Variants in STRN observed in about 807,000 individuals in gnomAD.
The protein encoded by STRN is striatin.
STRN carries 53 observed loss-of-function variants against 96.3 expected under a neutral mutation model. That is an observed-to-expected ratio of 0.55 (90% CI 0.44 to 0.69). The LOEUF is 0.69. Ranked by LOEUF, STRN falls within the 30% of genes least tolerant of loss-of-function variation. The pLI, the probability that STRN is intolerant of heterozygous loss-of-function variation, is 0.00. For missense variants in STRN, 987 were observed against 963.9 expected (o/e 1.02, Z -0.32); for synonymous variants, 428 against 355.9 (o/e 1.20, Z -2.28).
chr2:36,928,307 C>T (rs746185826), intron 1 of STRN, among the ~76,000 whole-genome samples: 2 of 149,868 alleles, frequency 1.3e-5, no homozygotes, highest in Non-Finnish European at 3.0e-5. Flanking sequence ...ACATAAAAGA[C>T]GAAAACAGCA....
intron 16 of STRN, among the ~76,000 whole-genome samples, chr2:36,850,361 T>C (rs2148123801): frequency 6.6e-6 from 1 of 152,330 alleles, no homozygotes; most frequent in East Asian, 1.9e-4. Context: ...TATAGGGTGC[T>C]TTCCTCCCAG....
chr2:36,950,208 G>GTT lies in STRN; in HGVS notation c.234+16020_234+16021dup, dbSNP rs1338547776. On this transcript the variant is annotated intron_variant, in intron 1 of 17. Transcript: ENST00000263918. ...TTGTTGTTACTGGTTGGTTGGTTTG[G>GTT]TTTTGTTTTTTTTTTTTTTTTTTTT... Among the ~76,000 whole-genome samples the GTT allele has an allele frequency of 1.4e-3, 171 of 124,020 alleles. 1 individual carries two copies. In the East Asian group the frequency reaches 0.038, roughly 28 times the overall value. The allele number at this position is 124,020 out of a possible 152,430, so 81.4% of individuals were successfully genotyped here.
At chr2:36,876,363 G>C (rs966944237) in intron 10 of STRN, among the ~76,000 whole-genome samples, 5 of 152,018 alleles carry the variant, frequency 3.3e-5, no homozygotes, top group African/African-American at 1.2e-4. Context: ...GGTTATTGTA[G>C]TAGCTCTGGC....
chr2:36,901,785 T>C (rs1350206931), intron 5 of STRN, among the ~76,000 whole-genome samples: 1 of 152,188 alleles, frequency 6.6e-6, no homozygotes, highest in East Asian at 1.9e-4. Context: ...GGAACTTTGC[T>C]TATAAAAGTC....
At chr2:36,927,030 C>T (rs567172774) in intron 1 of STRN, among the ~76,000 whole-genome samples, 1 of 152,198 alleles carries the variant, frequency 6.6e-6, no homozygotes, top group East Asian at 1.9e-4. Context: ...CTAATCAATG[C>T]AATCAAACTT....
chr2:36,857,796 T>G, intron 14 of STRN, 60 bp downstream of exon 14: 1 of 1,385,220 alleles, frequency 7.2e-7, no homozygotes, highest in African/African-American at 1.4e-5. Flanking sequence ...TCTGCTTGCT[T>G]ATTTTCAGAA....
intron 2 of STRN, 125 bp downstream of exon 2, chr2:36,924,980 C>G (rs1254262057): frequency 8.3e-6 from 6 of 719,626 alleles, no homozygotes; most frequent in Non-Finnish European, 1.2e-5. Context: ...TGCTTGAAAC[C>G]GGGAGGCGGA....
intron 1 of STRN, among the ~76,000 whole-genome samples, chr2:36,931,013 A>G (rs1434399820): frequency 6.6e-6 from 1 of 151,692 alleles, no homozygotes; most frequent in Non-Finnish European, 1.5e-5. Flanking sequence ...AGCCTGAATG[A>G]CAGAGCAAAA....
chr2:36,911,861 C>G (rs1244208404), intron 3 of STRN, among the ~76,000 whole-genome samples: 1 of 152,218 alleles, frequency 6.6e-6, no homozygotes, highest in African/African-American at 2.4e-5. Context: ...CACACCTCAA[C>G]TGGACCCTTA....
intron 7 of STRN, among the ~76,000 whole-genome samples, chr2:36,890,477 CTT>C (rs1163881782): frequency 2.0e-4 from 21 of 104,612 alleles, no homozygotes; most frequent in African/African-American, 4.8e-4. Context: ...CACCAGAAAA[CTT>C]TTTTTTTTTT....
intron 17 of STRN, 44 bp from the exon 18 acceptor site, chr2:36,849,669 G>GA: frequency 6.2e-7 from 1 of 1,612,468 alleles, no homozygotes; most frequent in Non-Finnish European, 8.5e-7. Flanking sequence ...ACATTAACAT[G>GA]AAAATGGTAA....
intron 7 of STRN, among the ~76,000 whole-genome samples, chr2:36,887,436 CT>C (rs1297654190): frequency 9.2e-5 from 14 of 151,810 alleles, no homozygotes; most frequent in Non-Finnish European, 1.8e-4. Flanking sequence ...TGCCATTGCA[CT>C]CCCGCCTGGG....
chr2:36,959,383 A>T (rs1011589187), intron 1 of STRN, among the ~76,000 whole-genome samples: 20 of 152,342 alleles, frequency 1.3e-4, no homozygotes, highest in African/African-American at 4.3e-4. Flanking sequence ...AGCAGTACAT[A>T]TACTCAAATT....
chr2:36,876,983 C>A (rs778429698), intron 10 of STRN, among the ~76,000 whole-genome samples: 4 of 152,094 alleles, frequency 2.6e-5, no homozygotes, highest in Non-Finnish European at 5.9e-5. Flanking sequence ...CTCCTGACCT[C>A]GTGATCCACC....
At position 36,890,227 on chromosome 2, in the gene STRN, C is replaced by T. The variant is rs920835673; in HGVS notation, c.932-3401G>A. ...AAGGCCTGTTTCACTTTAACATCTC[C>T]TTGGTTTCCAGACTTGTTTTCTTGA... On this transcript the variant is annotated intron_variant, in intron 7 of 17. Transcript: ENST00000263918. Among the ~76,000 whole-genome samples the T allele has an allele frequency of 9.2e-5, 14 of 152,122 alleles. 1 individual carries two copies. Among genetic ancestry groups the T allele is most frequent in the Admixed American group, 7.9e-4 (12 of 15,256 alleles).
At chr2:36,941,520 T>C (rs910378766) in intron 1 of STRN, among the ~76,000 whole-genome samples, 1 of 152,154 alleles carries the variant, frequency 6.6e-6, no homozygotes, top group African/African-American at 2.4e-5. Flanking sequence ...AGAATCATGG[T>C]GCAAAATTTT....
intron 1 of STRN, among the ~76,000 whole-genome samples, chr2:36,927,748 T>C (rs1670452905): frequency 6.6e-6 from 1 of 152,188 alleles, no homozygotes; most frequent in African/African-American, 2.4e-5. Flanking sequence ...AATAATATGG[T>C]AAAAAACAGA....
intron 3 of STRN, among the ~76,000 whole-genome samples, chr2:36,912,368 T>C (rs968580803): frequency 2.6e-5 from 4 of 152,124 alleles, no homozygotes; most frequent in African/African-American, 9.7e-5. Flanking sequence ...ATACCCACTT[T>C]ATTTCTGCCC....
At chr2:36,875,852 T>C (rs1472377981) in intron 10 of STRN, among the ~76,000 whole-genome samples, 2 of 152,064 alleles carry the variant, frequency 1.3e-5, no homozygotes, top group Non-Finnish European at 2.9e-5. Flanking sequence ...AGAGACAGGG[T>C]TTCACTGTGT....
Sources: gnomAD v4.1 joint callset for allele counts (sites outside exome capture counted in the v4.1 genomes callset) on GRCh38, gnomAD v4.1.1 for gene constraint, MANE v1.5 for transcripts, NCBI Gene and HGNC (gene_info 2026-07-23, HGNC 2026-07-21) for gene names.